Variants in MDH1 observed in about 807,000 individuals in gnomAD.
MDH1 encodes the protein malate dehydrogenase, cytoplasmic.
In MDH1, 15 loss-of-function variants were observed where a neutral mutation model predicts 38.7. That is an observed-to-expected ratio of 0.39 (90% CI 0.26 to 0.60). MDH1 has a LOEUF of 0.60. Ranked by LOEUF, MDH1 falls within the 20% of genes least tolerant of loss-of-function variation. The pLI, the probability that MDH1 is intolerant of heterozygous loss-of-function variation, is 0.56. For synonymous variants in MDH1, 144 were observed against 143.6 expected (o/e 1.00, Z -0.02); for missense variants, 368 against 405.2 (o/e 0.91, Z 0.79).
At chr2:63,606,320 G>T (rs1709526729) in intron 8 of MDH1, among the ~76,000 whole-genome samples, 1 of 152,182 alleles carries the variant, frequency 6.6e-6, no homozygotes, top group Non-Finnish European at 1.5e-5. Flanking sequence ...GATCAAGGCT[G>T]CAGTGAACCA....
chr2:63,602,336 G>C (rs1709435172), intron 5 of MDH1, among the ~76,000 whole-genome samples: 1 of 135,790 alleles, frequency 7.4e-6, no homozygotes, highest in African/African-American at 2.8e-5. Context: ...CTTTTCGGTT[G>C]GTTGGTTGGG....
chr2:63,589,486 G>C (rs1003029681), intron 1 of MDH1: 9 of 1,180,244 alleles, frequency 7.6e-6, no homozygotes, highest in South Asian at 2.6e-5. Context: ...AAAGCAAAAA[G>C]CTGGAAAGGT....
Position 63,607,137 on chromosome 2 carries a change from A to C in MDH1, c.*150A>C. 4 of 645,596 alleles carry C rather than the reference A, an allele frequency of 6.2e-6. No individual in the cohort carries two copies. Among genetic ancestry groups the C allele is most frequent in the East Asian group, 3.2e-5 (1 of 30,986 alleles). The allele number at this position is 645,596 out of a possible 1,614,324, so 40.0% of individuals were successfully genotyped here. A position where few individuals can be genotyped will look rare whatever the true frequency, so the allele number is the denominator to read the frequency against. Reference sequence around the variant, plus strand: ...ACGTGCTTCTTGGTACAGGTTTGTGAATGACAGTTTATCGTCATGCTGTTA... The same window carrying C: ...ACGTGCTTCTTGGTACAGGTTTGTGCATGACAGTTTATCGTCATGCTGTTA... On this transcript the variant is annotated 3_prime_UTR_variant, in exon 9 of 9. Coordinates refer to ENST00000233114, the MANE Select transcript of MDH1 (RefSeq NM_005917.4).
chr2:63,589,018 T>C lies in MDH1; in HGVS notation c.-26T>C, dbSNP rs11555101. ...TCTCTGAGGCTCATTTTGCAGTTGT[T>C]GAAATTGTCCCCGCAGTTTTCAATC... On this transcript the variant is annotated 5_prime_UTR_variant, in exon 1 of 9. Transcript: ENST00000233114. 29 of 1,614,172 alleles carry C rather than the reference T, an allele frequency of 1.8e-5. No homozygotes were observed. In the African/African-American group the frequency reaches 2.8e-4, roughly 16 times the overall value.
rs371552676 is a variant in MDH1 at position 63,605,368 on chromosome 2, G to C, written c.764G>C (p.Arg255Thr). 5.6e-6 allele frequency: 9 copies of C among 1,614,082 alleles called. No homozygotes were observed. Among genetic ancestry groups the C allele is most frequent in the Non-Finnish European group, 7.6e-6 (9 of 1,179,928 alleles). Residue 255 changes from arginine to threonine, a missense_variant, in exon 7 of 9, where the codon AGG becomes ACG. By Grantham distance (71) the Arg-to-Thr change is moderately conservative. Transcript: ENST00000233114. ...SAAKAICDHVRDIWFGTPEGE... is the reference protein window; with the variant it reads ...SAAKAICDHVTDIWFGTPEGE... Reference sequence around the variant, plus strand: ...GCAAAAGCCATCTGTGACCACGTCAGGGACATCTGGTTTGGAACCCCAGAG... The same window carrying C: ...GCAAAAGCCATCTGTGACCACGTCACGGACATCTGGTTTGGAACCCCAGAG...
At chr2:63,594,707 A>T in intron 2 of MDH1, 121 bp downstream of exon 2, 2 of 697,206 alleles carry the variant, frequency 2.9e-6, no homozygotes, top group Non-Finnish European at 4.9e-6. Flanking sequence ...AGTAAATGTA[A>T]TAGGCACATT....
chr2:63,591,546 T>TTA (rs1709201597), intron 1 of MDH1, among the ~76,000 whole-genome samples: 2 of 152,228 alleles, frequency 1.3e-5, no homozygotes, highest in Non-Finnish European at 2.9e-5. Flanking sequence ...ACCATATAGG[T>TTA]GACCTTATGG....
Position 63,602,347 on chromosome 2 carries a change from G to GT in MDH1, c.499-2328dup, listed in dbSNP as rs144884000. 5.3e-3 allele frequency among the ~76,000 whole-genome samples: 550 copies of GT among 103,970 alleles called. 2 individuals carry two copies. The highest frequency in any genetic ancestry group is 8.9e-3 in the African/African-American group (244 of 27,278). The allele number at this position is 103,970 out of a possible 152,430, so 68.2% of individuals were successfully genotyped here. A position where few individuals can be genotyped will look rare whatever the true frequency, so the allele number is the denominator to read the frequency against. ...TATCCTTTTCGGTTGGTTGGTTGGG[G>GT]TTTTTTTTTTTTTTTTTTTTTGCTT... is the stretch of plus-strand genomic sequence containing the variant. On this transcript the variant is annotated intron_variant, in intron 5 of 8. Transcript: ENST00000233114.
Position 63,590,356 on chromosome 2 carries a change from A to G in MDH1, c.3+1310A>G, listed in dbSNP as rs554317877. ...TCTCACACTCTTGCCATTTTTCTAT[A>G]TTGTGTCTTACACTTACCAAGTCTT... On this transcript the variant is annotated intron_variant, in intron 1 of 8. Coordinates refer to ENST00000233114, the MANE Select transcript of MDH1 (RefSeq NM_005917.4). 1.6e-4 allele frequency: 25 copies of G among 152,226 alleles called. 1 individual carries two copies. Among genetic ancestry groups the G allele is most frequent in the Admixed American group, 1.5e-3 (23 of 15,298 alleles). The allele number at this position is 152,226 out of a possible 1,614,324, so 9.4% of individuals were successfully genotyped here.
chr2:63,605,889 C>A, intron 7 of MDH1, 50 bp from the exon 8 acceptor site: 1 of 1,423,522 alleles, frequency 7.0e-7, no homozygotes, highest in Non-Finnish European at 9.9e-7. Flanking sequence ...GTTCATGTGT[C>A]AGTTGTGTAA....
chr2:63,605,387 C>T lies in MDH1; in HGVS notation c.783C>T (p.Thr261=). The stretch of plus-strand genomic sequence containing the variant: ...ACGTCAGGGACATCTGGTTTGGAAC[C>T]CCAGAGGTAAGGATTTAGTGATTTG... ...CDHVRDIWFG[T]PEGEFVSMGV... Residue 261 remains threonine, a synonymous_variant, in exon 7 of 9, where the codon ACC becomes ACT. Transcript: ENST00000233114. 1 of 1,610,016 alleles carries T rather than the reference C, an allele frequency of 6.2e-7. No homozygotes were observed. The highest frequency in any genetic ancestry group is 8.5e-7 in the Non-Finnish European group (1 of 1,176,248).
At chr2:63,592,218 A>T (rs1159563334) in intron 1 of MDH1, among the ~76,000 whole-genome samples, 2 of 152,202 alleles carry the variant, frequency 1.3e-5, no homozygotes, top group African/African-American at 4.8e-5. Context: ...TCATCAGTGG[A>T]TTTATAAGGT....
intron 1 of MDH1, chr2:63,589,295 G>A (rs914231564): frequency 1.2e-5 from 18 of 1,550,762 alleles, no homozygotes; most frequent in Non-Finnish European, 1.6e-5. Flanking sequence ...GGAGAGGAGC[G>A]ATCTTAATCC....
chr2:63,589,475 G>C, intron 1 of MDH1: 2 of 1,297,544 alleles, frequency 1.5e-6, no homozygotes, highest in African/African-American at 1.5e-5. Context: ...CAGGGACCTT[G>C]AAAGCAAAAA....
In MDH1 at chr2:63,606,931, G is replaced by A. The variant is rs780332698; in HGVS notation, c.949G>A (p.Ala317Thr). Reference sequence around the variant, plus strand: ...CTCACGTGAGAAGATGGATCTTACTGCAAAGGAACTGACAGAAGAAAAAGA... The same window carrying A: ...CTCACGTGAGAAGATGGATCTTACTACAAAGGAACTGACAGAAGAAAAAGA... ...DFSREKMDLT[A>T]KELTEEKESA... Residue 317 changes from alanine (A) to threonine (T), a missense_variant, in exon 9 of 9, where the codon GCA (alanine) becomes ACA (threonine). Coordinates refer to ENST00000233114, the MANE Select transcript of MDH1 (RefSeq NM_005917.4). 1.9e-6 allele frequency: 3 copies of A among 1,612,878 alleles called. No individual in the cohort carries two copies. The highest frequency in any genetic ancestry group is 2.5e-6 in the Non-Finnish European group (3 of 1,179,276).
Position 63,597,408 on chromosome 2 carries a change from C to T in MDH1, c.209C>T (p.Ala70Val). 8 of 1,430,994 alleles carry T rather than the reference C, an allele frequency of 5.6e-6. No homozygotes were observed. Among genetic ancestry groups the T allele is most frequent in the Non-Finnish European group, 7.4e-6 (8 of 1,081,714 alleles). 88.6% of individuals were successfully genotyped at this position (1,430,994 alleles called of 1,614,324 possible). Residue 70 changes from alanine to valine, a missense_variant, in exon 4 of 9, where the codon GCA becomes GTA. By Grantham distance (64) the Ala-to-Val change is moderately conservative. Coordinates refer to ENST00000233114, the MANE Select transcript of MDH1 (RefSeq NM_005917.4). ...ATTGCCATGTCCACAGATGTCATCG[C>T]AACAGATAAAGAAGACGTTGCCTTC... The part of the protein sequence containing the change: ...CALPLLKDVI[A>V]TDKEDVAFKD...
In MDH1 at chr2:63,606,999, T is replaced by G; in HGVS notation, c.*12T>G. On this transcript the variant is annotated 3_prime_UTR_variant, in exon 9 of 9. Coordinates refer to ENST00000233114, the MANE Select transcript of MDH1 (RefSeq NM_005917.4). ...TTTCCTCTGCCTGACTAGACAATGA[T>G]GTTACTAAATGCTTCAAAGCTGAAG... 6.2e-7 allele frequency: 1 copy of G among 1,604,638 alleles called. No homozygotes were observed. Among genetic ancestry groups the G allele is most frequent in the African/African-American group, 1.3e-5 (1 of 74,560 alleles).
Position 63,597,552 on chromosome 2 carries a change from A to G in MDH1, c.353A>G (p.Lys118Arg). Reference sequence around the variant, plus strand: ...AAATCCCAGGGTGCAGCCTTAGATAAATACGCCAAGAAGTCAGTTAAGGTG... The same window carrying G: ...AAATCCCAGGGTGCAGCCTTAGATAGATACGCCAAGAAGTCAGTTAAGGTG... ...IFKSQGAALD[K>R]YAKKSVKVIV... The change falls in exon 4 of 9, where the codon AAA (lysine) becomes AGA (arginine). Residue 118 changes from lysine (K) to arginine (R), a missense_variant. Lys to Arg is a conservative substitution (Grantham distance 26). Transcript: ENST00000233114. 7.0e-7 allele frequency: 1 copy of G among 1,434,232 alleles called. No individual in the cohort carries two copies. The highest frequency in any genetic ancestry group is 9.2e-7 in the Non-Finnish European group (1 of 1,081,740). The allele number at this position is 1,434,232 out of a possible 1,614,324, so 88.8% of individuals were successfully genotyped here.
intron 1 of MDH1, chr2:63,590,080 T>A (rs1324191114): frequency 1.3e-5 from 2 of 152,394 alleles, no homozygotes; most frequent in Admixed American, 6.5e-5. Flanking sequence ...AGCTACTAAT[T>A]TCCAGTAGGT....
Sources: allele counts gnomAD v4.1 joint callset (sites outside exome capture counted in the v4.1 genomes callset), GRCh38; gene constraint gnomAD v4.1.1; transcripts MANE v1.5; gene names NCBI Gene and HGNC (gene_info 2026-07-23, HGNC 2026-07-21).